The following ESRRB variants were observed in gnomAD, a reference collection of about 807,000 sequenced individuals.
The protein encoded by ESRRB is steroid hormone receptor ERR2.
ESRRB carries 16 observed loss-of-function variants against 46.0 expected under a neutral mutation model. That is an observed-to-expected ratio of 0.35 (90% CI 0.24 to 0.53). ESRRB has a LOEUF of 0.53. ESRRB is among the 20% of genes least tolerant of loss of function. The probability of loss-of-function intolerance (pLI) is 0.93; values close to 1 mark genes in which losing one functional copy is unlikely to be tolerated. For missense variants in ESRRB, 488 were observed against 607.4 expected (o/e 0.80, Z 2.07); for synonymous variants, 246 against 259.6 (o/e 0.95, Z 0.50).
chr14:76,372,609 A>G (rs1884652124), upstream of ESRRB, among the ~76,000 whole-genome samples: 1 of 152,150 alleles, frequency 6.6e-6, no homozygotes, highest in African/African-American at 2.4e-5. Flanking sequence ...ACTCAGGCAG[A>G]TCACAAGAGG....
chr14:76,462,595 C>A lies in ESRRB; in HGVS notation c.511C>A (p.Arg171=). The part of the protein sequence containing the change: ...PATNECEITK[R]RRKSCQACRF... ...CACCAACGAGTGCGAGATCACCAAA[C>A]GGAGGCGCAAGTCCTGCCAGGCCTG... Residue 171 remains arginine (R), a synonymous_variant, in exon 3 of 7, where the codon CGG becomes AGG. Coordinates refer to ENST00000644823, the MANE Select transcript of ESRRB (RefSeq NM_001379180.1). The A allele has an allele frequency of 1.9e-6, 3 of 1,614,128 alleles. No homozygotes were observed. The highest frequency in any genetic ancestry group is 2.5e-6 in the Non-Finnish European group (3 of 1,180,000).
rs371026013 is a variant in ESRRB at position 76,333,174 on chromosome 14, CTATA to C, written c.2+22266_2+22269del. Among the ~76,000 whole-genome samples the C allele has an allele frequency of 6.4e-3, 15 of 2,362 alleles. 5 individuals are homozygous for C. The highest frequency in any genetic ancestry group is 0.012 in the Non-Finnish European group (15 of 1,296). The allele number at this position is 2,362 out of a possible 152,430, so 1.5% of individuals were successfully genotyped here. A position where few individuals can be genotyped will look rare whatever the true frequency, so the allele number is the denominator to read the frequency against. Reference sequence around the variant, plus strand: ...TTATATATAATATATATTATATATACTATATATATATTATATATTATATATTTTA... The same window carrying C: ...TTATATATAATATATATTATATATACTATATATTATATATTATATATTTTA... On this transcript the variant is annotated intron_variant, in intron 1 of 6. Transcript: ENST00000512784.
At chr14:76,407,923 G>C (rs1369117587) in intron 1 of ESRRB, among the ~76,000 whole-genome samples, 1 of 152,206 alleles carries the variant, frequency 6.6e-6, no homozygotes, top group African/African-American at 2.4e-5. Flanking sequence ...AAACCACCTG[G>C]TGGGTGACTG....
At position 76,501,359 on chromosome 14, in the gene ESRRB, G is replaced by A. The variant is rs1890651182; in HGVS notation, c.*2901G>A. The A allele has an allele frequency of 6.6e-6, 1 of 152,432 alleles. No individual in the cohort carries two copies. The highest frequency in any genetic ancestry group is 1.5e-5 in the Non-Finnish European group (1 of 68,302). 9.4% of individuals were successfully genotyped at this position (152,432 alleles called of 1,614,324 possible). A position where few individuals can be genotyped will look rare whatever the true frequency, so the allele number is the denominator to read the frequency against. The stretch of plus-strand genomic sequence containing the variant: ...TGTGAAAACCAATCTTTGCATATAG[G>A]GAACTTCCTCGGGCCACACTTTAAG... On this transcript the variant is annotated 3_prime_UTR_variant, in exon 7 of 7. Coordinates refer to ENST00000644823, the MANE Select transcript of ESRRB (RefSeq NM_001379180.1).
chr14:76,463,447 T>TTTTTTTGTTTTTTTTTTG (rs1555342258), intron 3 of ESRRB: 1 of 121,222 alleles, frequency 8.2e-6, no homozygotes, highest in Non-Finnish European at 1.7e-5. Context: ...GCTTCTTTGT[T>TTTTTTTGTTTTTTTTTTG]TTTTTTTTTT....
chr14:76,372,191 G>T (rs1427160019), upstream of ESRRB, among the ~76,000 whole-genome samples: 4 of 152,134 alleles, frequency 2.6e-5, no homozygotes, highest in Non-Finnish European at 4.4e-5. Flanking sequence ...GTGGTTAGTG[G>T]GAACCTGTGT....
chr14:76,377,688 A>G (rs1156860870), intron 1 of ESRRB, among the ~76,000 whole-genome samples: 2 of 151,846 alleles, frequency 1.3e-5, no homozygotes, highest in African/African-American at 4.8e-5. Context: ...AAGAACCACG[A>G]CTACATCTCT....
chr14:76,434,532 C>A (rs986538611), intron 1 of ESRRB, among the ~76,000 whole-genome samples: 40 of 151,698 alleles, frequency 2.6e-4, no homozygotes, highest in Admixed American at 9.8e-4. Context: ...TGGAGTCACG[C>A]GCCTGTAATC....
At chr14:76,492,002 G>A (rs371713290) in intron 6 of ESRRB, among the ~76,000 whole-genome samples, 9 of 152,222 alleles carry the variant, frequency 5.9e-5, no homozygotes, top group African/African-American at 1.7e-4. Context: ...CAAATCCCAC[G>A]TCTACCAACT....
chr14:76,376,486 T>C lies in ESRRB; in HGVS notation c.50+35T>C. On this transcript the variant is annotated intron_variant, in intron 1 of 6. Transcript: ENST00000644823. This position sits in a 1 kb window ranked among gnomAD's most constrained non-coding sequence, Gnocchi z 4.1. ...CTGCTTCTCGGTCTGTCTGTCCTTC[T>C]GCCCGTCTGGCAGTCTCTGTCCTGG... 1 of 1,226,238 alleles carries C rather than the reference T, an allele frequency of 8.2e-7. No individual in the cohort carries two copies. Among genetic ancestry groups the C allele is most frequent in the East Asian group, 3.2e-5 (1 of 31,654 alleles). The allele number at this position is 1,226,238 out of a possible 1,614,324, so 76.0% of individuals were successfully genotyped here. A position where few individuals can be genotyped will look rare whatever the true frequency, so the allele number is the denominator to read the frequency against.
intron 3 of ESRRB, among the ~76,000 whole-genome samples, chr14:76,462,893 C>G (rs1272198138): frequency 6.6e-6 from 1 of 152,198 alleles, no homozygotes; most frequent in Non-Finnish European, 1.5e-5. Flanking sequence ...ACCCCTGACC[C>G]CACTTGGGCC....
intron 1 of ESRRB, among the ~76,000 whole-genome samples, chr14:76,362,436 A>G (rs1335083051): frequency 6.6e-6 from 1 of 152,156 alleles, no homozygotes; most frequent in Non-Finnish European, 1.5e-5. Context: ...TTTGAGTTCT[A>G]CCAAGCCACT....
At chr14:76,326,929 G>A (rs1883936840) in intron 1 of ESRRB, among the ~76,000 whole-genome samples, 2 of 152,268 alleles carry the variant, frequency 1.3e-5, no homozygotes, top group Non-Finnish European at 2.9e-5. Flanking sequence ...GAGCAGCCAC[G>A]CCTGGGCCCA....
At chr14:76,326,590 A>G (rs1883932668) in intron 1 of ESRRB, among the ~76,000 whole-genome samples, 1 of 152,188 alleles carries the variant, frequency 6.6e-6, no homozygotes, top group Non-Finnish European at 1.5e-5. Flanking sequence ...GTTTGTGGAC[A>G]CAAAAGCATT....
chr14:76,439,766 C>G lies in ESRRB; in HGVS notation c.460+16C>G. 2 of 1,611,192 alleles carry G rather than the reference C, an allele frequency of 1.2e-6. No individual in the cohort carries two copies. The highest frequency in any genetic ancestry group is 1.7e-6 in the Non-Finnish European group (2 of 1,177,676). On this transcript the variant is annotated intron_variant, in intron 2 of 6. Transcript: ENST00000644823. Reference sequence around the variant, plus strand: ...ACTATCCAAGGTGCGTGGTGGGCCTCAAGGAGCCTGGGCGCAGGGTTGGGG... The same window carrying G: ...ACTATCCAAGGTGCGTGGTGGGCCTGAAGGAGCCTGGGCGCAGGGTTGGGG...
intron 2 of ESRRB, among the ~76,000 whole-genome samples, chr14:76,460,566 G>A (rs764977344): frequency 1.3e-5 from 2 of 152,232 alleles, no homozygotes; most frequent in Non-Finnish European, 2.9e-5. Context: ...GGGCTGGAAC[G>A]AGAGATGTGT....
chr14:76,393,000 G>A (rs1355741962), intron 1 of ESRRB, among the ~76,000 whole-genome samples: 1 of 152,252 alleles, frequency 6.6e-6, no homozygotes, highest in East Asian at 1.9e-4. Context: ...GTGCGGGCAT[G>A]TGGGGCAGGG....
intron 2 of ESRRB, among the ~76,000 whole-genome samples, chr14:76,453,302 A>G (rs1888471005): frequency 6.6e-6 from 1 of 152,220 alleles, no homozygotes. Flanking sequence ...TGCCTGTCAC[A>G]GTTACCATTG....
At chr14:76,351,004 C>T (rs1020173921) in intron 1 of ESRRB, among the ~76,000 whole-genome samples, 1 of 152,168 alleles carries the variant, frequency 6.6e-6, no homozygotes, top group African/African-American at 2.4e-5. Context: ...AACCATGGGT[C>T]TATTCAGTCA....
Sources: allele counts gnomAD v4.1 joint callset (sites outside exome capture counted in the v4.1 genomes callset), GRCh38; gene constraint gnomAD v4.1.1; non-coding constraint Gnocchi (gnomAD v3.1); transcripts MANE v1.5; gene names NCBI Gene and HGNC (gene_info 2026-07-23, HGNC 2026-07-21).